The following PTPRD variants were observed in gnomAD, a reference collection of about 807,000 sequenced individuals.
PTPRD encodes protein tyrosine phosphatase receptor type D.
PTPRD carries 34 observed loss-of-function variants against 214.5 expected under a neutral mutation model. The observed-to-expected ratio is 0.16, with a 90% confidence interval of 0.12 to 0.21. PTPRD has a LOEUF of 0.21. PTPRD is among the 10% of genes least tolerant of loss of function. The pLI is 1.00. For missense variants in PTPRD, 2,545 were observed against 2,398.7 expected (o/e 1.06, Z -1.27); for synonymous variants, 1,128 against 845.7 (o/e 1.33, Z -5.79).
At chr9:9,367,242 G>A (rs535755726) in intron 9 of PTPRD, among the ~76,000 whole-genome samples, 1 of 151,504 alleles carries the variant, frequency 6.6e-6, no homozygotes, top group Admixed American at 6.6e-5. Context: ...ATTACAGTGG[G>A]GGAGGTGGAA....
At position 8,505,361 on chromosome 9, in the gene PTPRD, G is replaced by A. The variant is rs533348580; in HGVS notation, c.1678-956C>T. Among the ~76,000 whole-genome samples the A allele has an allele frequency of 6.6e-5, 10 of 152,204 alleles. No homozygotes were observed. In the East Asian group the frequency reaches 1.7e-3, roughly 27 times the overall value. ...TTCAAGGCCGGGCACGGTGGCTCAC[G>A]CCTGTAATCCCACCACTTTGGGAGG... On this transcript the variant is annotated intron_variant, in intron 22 of 45. Coordinates refer to ENST00000381196, the MANE Select transcript of PTPRD (RefSeq NM_002839.4).
chr9:8,904,475 C>A (rs1387985600), intron 11 of PTPRD, among the ~76,000 whole-genome samples: 2 of 151,970 alleles, frequency 1.3e-5, no homozygotes, highest in African/African-American at 4.8e-5. Context: ...AGTTCGAGAC[C>A]AGCCTGGCCA....
intron 5 of PTPRD, among the ~76,000 whole-genome samples, chr9:9,822,681 G>T (rs1165494655): frequency 6.6e-6 from 1 of 151,594 alleles, no homozygotes; most frequent in Non-Finnish European, 1.5e-5. Flanking sequence ...CTTCATAACA[G>T]AAAATAATCA....
At chr9:8,371,444 C>T (rs567580241) in intron 39 of PTPRD, among the ~76,000 whole-genome samples, 1 of 151,974 alleles carries the variant, frequency 6.6e-6, no homozygotes, top group Non-Finnish European at 1.5e-5. Flanking sequence ...GTATGATCTG[C>T]ACACATATAG....
intron 8 of PTPRD, among the ~76,000 whole-genome samples, chr9:9,433,427 G>A (rs1228538314): frequency 2.0e-5 from 3 of 152,148 alleles, no homozygotes; most frequent in African/African-American, 2.4e-5. Context: ...GCTTTATTAA[G>A]AAGGCTTATA....
chr9:10,202,042 A>G (rs1395579594), intron 3 of PTPRD, among the ~76,000 whole-genome samples: 1 of 152,062 alleles, frequency 6.6e-6, no homozygotes, highest in African/African-American at 2.4e-5. Flanking sequence ...AAGAAATAAG[A>G]ACAGTGAGAA....
intron 2 of PTPRD, among the ~76,000 whole-genome samples, chr9:10,601,907 AATCAGAAG>A (rs1453572610): frequency 6.6e-6 from 1 of 151,792 alleles, no homozygotes; most frequent in Non-Finnish European, 1.5e-5. Context: ...CTTAACAAGT[AATCAGAAG>A]ACCTTAGGGA....
At chr9:9,065,335 G>C (rs771247531) in intron 10 of PTPRD, among the ~76,000 whole-genome samples, 14 of 150,622 alleles carry the variant, frequency 9.3e-5, no homozygotes, top group Non-Finnish European at 1.8e-4. Flanking sequence ...GTTCCATTGG[G>C]AGGGAGATCT....
At chr9:10,422,254 C>G (rs1353523917) in intron 2 of PTPRD, among the ~76,000 whole-genome samples, 1 of 151,948 alleles carries the variant, frequency 6.6e-6, no homozygotes, top group Non-Finnish European at 1.5e-5. Flanking sequence ...ACTGGCTAGC[C>G]ATATGTAGAA....
chr9:8,388,219 C>T (rs749416154), intron 37 of PTPRD, among the ~76,000 whole-genome samples: 6 of 152,130 alleles, frequency 3.9e-5, no homozygotes, highest in African/African-American at 7.2e-5. Flanking sequence ...CTCATATACA[C>T]GCCCAGGCTT....
At chr9:8,324,850 A>C (rs1399431553) in intron 44 of PTPRD, among the ~76,000 whole-genome samples, 1 of 152,224 alleles carries the variant, frequency 6.6e-6, no homozygotes, top group Non-Finnish European at 1.5e-5. Context: ...TCTAATGACC[A>C]GTGATAGTGA....
At chr9:10,525,151 ATTAT>A (rs2134370306) in intron 2 of PTPRD, among the ~76,000 whole-genome samples, 1 of 152,184 alleles carries the variant, frequency 6.6e-6, no homozygotes, top group East Asian at 1.9e-4. Context: ...TATCCAAATT[ATTAT>A]TTAATTTCCC....
At chr9:9,177,106 T>G (rs945039009) in intron 10 of PTPRD, among the ~76,000 whole-genome samples, 1 of 152,116 alleles carries the variant, frequency 6.6e-6, no homozygotes, top group Non-Finnish European at 1.5e-5. Context: ...TTAGCATGGT[T>G]GGGGAGGTCT....
intron 7 of PTPRD, among the ~76,000 whole-genome samples, chr9:9,677,016 T>C (rs1199821110): frequency 6.6e-6 from 1 of 152,152 alleles, no homozygotes; most frequent in Non-Finnish European, 1.5e-5. Flanking sequence ...CCTTGTAGAT[T>C]CTGGATATTA....
At chr9:9,780,014 G>A (rs2098830560) in intron 5 of PTPRD, among the ~76,000 whole-genome samples, 1 of 152,186 alleles carries the variant, frequency 6.6e-6, no homozygotes, top group Non-Finnish European at 1.5e-5. Context: ...CAGCCTAGGT[G>A]TCCATCAGTG....
At chr9:9,391,041 G>A (rs1280167849) in intron 9 of PTPRD, among the ~76,000 whole-genome samples, 1 of 152,104 alleles carries the variant, frequency 6.6e-6, no homozygotes, top group East Asian at 1.9e-4. Context: ...TTTGCTTTAA[G>A]CATAAGAGAC....
At chr9:8,684,426 C>T (rs2097631665) in intron 12 of PTPRD, among the ~76,000 whole-genome samples, 2 of 152,116 alleles carry the variant, frequency 1.3e-5, no homozygotes, top group African/African-American at 2.4e-5. Flanking sequence ...GAACCCAAGT[C>T]CCTCTGACTG....
chr9:10,326,597 T>A (rs1443081679), intron 3 of PTPRD, among the ~76,000 whole-genome samples: 1 of 151,660 alleles, frequency 6.6e-6, no homozygotes, highest in Non-Finnish European at 1.5e-5. Flanking sequence ...ACATTTTGGT[T>A]TTATTGAATA....
At chr9:9,065,330 A>C (rs1461300889) in intron 10 of PTPRD, among the ~76,000 whole-genome samples, 1 of 151,030 alleles carries the variant, frequency 6.6e-6, no homozygotes, top group African/African-American at 2.4e-5. Flanking sequence ...ATAAGGTTCC[A>C]TTGGGAGGGA....
Sources: allele counts gnomAD v4.1 joint callset (sites outside exome capture counted in the v4.1 genomes callset), GRCh38; gene constraint gnomAD v4.1.1; transcripts MANE v1.5; gene names NCBI Gene and HGNC (gene_info 2026-07-23, HGNC 2026-07-21).